Variants in RHOQ observed in about 807,000 individuals in gnomAD.
RHOQ encodes rho-related GTP-binding protein RhoQ.
A neutral mutation model predicts 25.8 loss-of-function variants in RHOQ; 7 were observed. That is an observed-to-expected ratio of 0.27 (90% confidence interval 0.15 to 0.51). The LOEUF (loss-of-function observed/expected upper bound fraction) is 0.51. Among genes scored for constraint, RHOQ ranks in the 20% least tolerant of loss-of-function variants. The pLI is 0.97. For missense variants in RHOQ, 165 were observed against 260.6 expected, an observed-to-expected ratio of 0.63 and a Z score of 2.53; for synonymous variants, 97 against 98.6, an observed-to-expected ratio of 0.98 and a Z score of 0.10.
At chr2:46,549,965 G>C (rs560501045) in intron 2 of RHOQ, among the ~76,000 whole-genome samples, 6 of 152,308 alleles carry the variant, frequency 3.9e-5, no homozygotes, top group African/African-American at 1.4e-4. Context: ...GCATGTTCTT[G>C]TCTGTAATCT....
intron 2 of RHOQ, among the ~76,000 whole-genome samples, chr2:46,563,572 C>T (rs1364555631): frequency 6.6e-6 from 1 of 152,150 alleles, no homozygotes; most frequent in African/African-American, 2.4e-5. Flanking sequence ...GGGCATCAAA[C>T]CCGTGCAAGG....
chr2:46,553,488 A>G (rs985699646), intron 2 of RHOQ, among the ~76,000 whole-genome samples: 2 of 152,080 alleles, frequency 1.3e-5, no homozygotes, highest in African/African-American at 4.8e-5. Context: ...AAACAATCCA[A>G]TTACAGTCTT....
At chr2:46,564,663 T>G (rs1668672416) in intron 2 of RHOQ, among the ~76,000 whole-genome samples, 1 of 152,244 alleles carries the variant, frequency 6.6e-6, no homozygotes, top group Non-Finnish European at 1.5e-5. Context: ...CACTGCAGCC[T>G]TCATCTGAGT....
intron 2 of RHOQ, among the ~76,000 whole-genome samples, chr2:46,564,842 C>T (rs752765116): frequency 6.6e-6 from 1 of 152,232 alleles, no homozygotes; most frequent in Non-Finnish European, 1.5e-5. Flanking sequence ...GATGTCTGTA[C>T]ACCTCCCTCT....
At chr2:46,580,367 A>G (rs1669309572) in intron 4 of RHOQ, 1 of 152,234 alleles carries the variant, frequency 6.6e-6, no homozygotes, top group Non-Finnish European at 1.5e-5. Flanking sequence ...CTGCTCAAAT[A>G]CCACATCCTC....
intron 2 of RHOQ, among the ~76,000 whole-genome samples, chr2:46,550,828 C>T (rs188508685): frequency 2.7e-4 from 41 of 152,242 alleles, no homozygotes; most frequent in Admixed American, 2.1e-3. Context: ...TGGCTCAGTT[C>T]GGTTGGTGTT....
In RHOQ at chr2:46,580,924, C is replaced by A. The variant is rs768156899; in HGVS notation, c.463-4C>A. 1.3e-6 allele frequency: 2 copies of A among 1,481,886 alleles called. No individual in the cohort carries two copies. Among genetic ancestry groups the A allele is most frequent in the Non-Finnish European group, 1.8e-6 (2 of 1,117,408 alleles). 91.8% of individuals were successfully genotyped at this position (1,481,886 alleles called of 1,614,324 possible). A position where few individuals can be genotyped will look rare whatever the true frequency, so the allele number is the denominator to read the frequency against. On this transcript the variant is annotated splice_polypyrimidine_tract_variant and splice_region_variant and intron_variant, in intron 4 of 4. Transcript: ENST00000238738. ...ATATTTGTGATTTTTTTTCTCCCTC[C>A]CAGATAGGAGCATGCTGCTATGTGG...
chr2:46,560,643 G>A, intron 2 of RHOQ: 2 of 456,078 alleles, frequency 4.4e-6, no homozygotes, highest in South Asian at 3.1e-5. Flanking sequence ...GCCAGGATCT[G>A]TTGTGTCCAC....
At position 46,577,477 on chromosome 2, in the gene RHOQ, G is replaced by A. The variant is rs149813914; in HGVS notation, c.462+821G>A. Among the ~76,000 whole-genome samples the A allele has an allele frequency of 4.3e-3, 607 of 139,754 alleles. 1 individual carries two copies. Among genetic ancestry groups the A allele is most frequent in the African/African-American group, 0.016 (588 of 36,616 alleles). The allele number at this position is 139,754 out of a possible 152,430, so 91.7% of individuals were successfully genotyped here. ...TGCAGTGACGGGATCTCAGCTCACT[G>A]CAAGCTCTGCCTCCCGTGTTCATGC... On this transcript the variant is annotated intron_variant, in intron 4 of 4. Coordinates refer to ENST00000238738, the MANE Select transcript of RHOQ (RefSeq NM_012249.4).
intron 2 of RHOQ, among the ~76,000 whole-genome samples, chr2:46,554,158 G>T (rs1668338797): frequency 6.7e-6 from 1 of 149,752 alleles, no homozygotes. Context: ...TAAACCCCCA[G>T]CCCCACAAAA....
chr2:46,556,441 C>T lies in RHOQ; in HGVS notation c.201+12629C>T, dbSNP rs1668412961. On this transcript the variant is annotated intron_variant, in intron 2 of 4. Coordinates refer to ENST00000238738, the MANE Select transcript of RHOQ (RefSeq NM_012249.4). The surrounding 1 kb of genome is among the most constrained non-coding windows in gnomAD (Gnocchi z 4.9). ...GGCTCAGGTAGAGGCGAGGGCTGAT[C>T]TCTTCTCTACCCTTCTGATATTCTT... 6.6e-6 allele frequency among the ~76,000 whole-genome samples: 1 copy of T among 151,592 alleles called. No homozygotes were observed. The highest frequency in any genetic ancestry group is 2.4e-5 in the African/African-American group (1 of 41,250).
At position 46,573,376 on chromosome 2, in the gene RHOQ, T is replaced by G. The variant is rs538926449; in HGVS notation, c.202-2711T>G. ...TGCCCGGCCACTAACTGCCAATTATTTAGCCAGAGATGACAGGCAGAAGGA... is the reference window on the plus strand; with the variant it reads ...TGCCCGGCCACTAACTGCCAATTATGTAGCCAGAGATGACAGGCAGAAGGA... On this transcript the variant is annotated intron_variant, in intron 2 of 4. Transcript: ENST00000238738. 7.2e-5 allele frequency among the ~76,000 whole-genome samples: 11 copies of G among 152,322 alleles called. No homozygotes were observed. The East Asian group carries it at 2.1e-3, about 29-fold the overall frequency.
At chr2:46,561,550 G>C (rs1158454611) in intron 2 of RHOQ, among the ~76,000 whole-genome samples, 1 of 152,140 alleles carries the variant, frequency 6.6e-6, no homozygotes, top group African/African-American at 2.4e-5. Context: ...GACTTCTAAA[G>C]GGCACGGTCT....
chr2:46,543,008 C>T lies in RHOQ; in HGVS notation c.-39C>T. 6.8e-7 allele frequency: 1 copy of T among 1,479,956 alleles called. No homozygotes were observed. Among genetic ancestry groups the T allele is most frequent in the Non-Finnish European group, 9.0e-7 (1 of 1,112,938 alleles). 91.7% of individuals were successfully genotyped at this position (1,479,956 alleles called of 1,614,324 possible). A position where few individuals can be genotyped will look rare whatever the true frequency, so the allele number is the denominator to read the frequency against. On this transcript the variant is annotated 5_prime_UTR_variant, in exon 1 of 5. Transcript: ENST00000238738. ...GCTGAGCCCGGGGCCGGGGCGGGGGCTCCGGGGGGACCATGCCCGGAGGCC... is the reference window on the plus strand; with the variant it reads ...GCTGAGCCCGGGGCCGGGGCGGGGGTTCCGGGGGGACCATGCCCGGAGGCC...
At chr2:46,565,858 A>G (rs1325587767) in intron 2 of RHOQ, among the ~76,000 whole-genome samples, 1 of 152,250 alleles carries the variant, frequency 6.6e-6, no homozygotes, top group Non-Finnish European at 1.5e-5. Context: ...AGAAGAGGCA[A>G]TCGTATTACA....
rs1668388303 is a variant in RHOQ at position 46,555,605 on chromosome 2, G to A, written c.201+11793G>A. On this transcript the variant is annotated intron_variant, in intron 2 of 4. Transcript: ENST00000238738. This position sits in a 1 kb window ranked among gnomAD's most constrained non-coding sequence, Gnocchi z 4.3. ...AATACATTGACCATTTAAGCAAAGT[G>A]GGACTCATTTCTGGACTCACAGAGC... 6.6e-6 allele frequency among the ~76,000 whole-genome samples: 1 copy of A among 152,232 alleles called. No individual in the cohort carries two copies. Among genetic ancestry groups the A allele is most frequent in the South Asian group, 2.1e-4 (1 of 4,834 alleles).
At position 46,556,024 on chromosome 2, in the gene RHOQ, C is replaced by T. The variant is rs932418687; in HGVS notation, c.201+12212C>T. Among the ~76,000 whole-genome samples, 6 of 152,070 alleles carry T rather than the reference C, an allele frequency of 3.9e-5. No homozygotes were observed. Among genetic ancestry groups the T allele is most frequent in the African/African-American group, 1.4e-4 (6 of 41,396 alleles). Reference sequence around the variant, plus strand: ...AATTCAGAGAACACTTTCATCACCCCAGAACGAAACCCCATACCCACCGAC... The same window carrying T: ...AATTCAGAGAACACTTTCATCACCCTAGAACGAAACCCCATACCCACCGAC... On this transcript the variant is annotated intron_variant, in intron 2 of 4. Coordinates refer to ENST00000238738, the MANE Select transcript of RHOQ (RefSeq NM_012249.4). The surrounding 1 kb of genome is among the most constrained non-coding windows in gnomAD (Gnocchi z 4.9).
chr2:46,568,580 A>T (rs965528158), intron 2 of RHOQ: 7 of 152,218 alleles, frequency 4.6e-5, no homozygotes, highest in Non-Finnish European at 8.8e-5. Flanking sequence ...CATGTTTATG[A>T]ATGTCTAGCA....
At chr2:46,572,590 C>T (rs940538062) in intron 2 of RHOQ, 4 of 306,532 alleles carry the variant, frequency 1.3e-5, no homozygotes, top group Non-Finnish European at 2.6e-5. Flanking sequence ...CTCACCAGTT[C>T]TTTCATTGTT....
Sources: allele counts gnomAD v4.1 joint callset (sites outside exome capture counted in the v4.1 genomes callset), GRCh38; gene constraint gnomAD v4.1.1; non-coding constraint Gnocchi (gnomAD v3.1); transcripts MANE v1.5; gene names NCBI Gene and HGNC (gene_info 2026-07-23, HGNC 2026-07-21).